CNTNAP3B: variants seen among roughly 807,000 people sequenced by gnomAD.
The protein encoded by CNTNAP3B is contactin associated protein family member 3B, also known as contactin-associated protein-like 3B.
A neutral mutation model predicts 108.9 loss-of-function variants in CNTNAP3B; 25 were observed. The ratio of observed to expected loss-of-function variants is 0.23; its 90% CI spans 0.17 to 0.32. The LOEUF (loss-of-function observed/expected upper bound fraction) is 0.32, where lower values mean the gene tolerates loss of function less well. CNTNAP3B is among the 10% of genes least tolerant of loss of function. CNTNAP3B has a pLI of 1.00. For missense variants in CNTNAP3B, 252 were observed against 1,210.4 expected (o/e 0.21, Z 11.75); for synonymous variants, 103 against 473.4 (o/e 0.22, Z 10.16).
At chr9:42,086,091 G>C (rs1206153441) in intron 2 of CNTNAP3B, among the ~76,000 whole-genome samples, 5 of 140,216 alleles carry the variant, frequency 3.6e-5, no homozygotes, top group Non-Finnish European at 7.7e-5. Flanking sequence ...CCATGTGGCT[G>C]AGGAGGCCTC....
rs548817359 is a variant in CNTNAP3B, at chr9:42,117,774, C to T, written c.85+11236G>A. Among the ~76,000 whole-genome samples the T allele has an allele frequency of 4.4e-5, 6 of 136,916 alleles. 1 individual carries two copies. The East Asian group carries it at 8.8e-4, about 20-fold the overall frequency. The allele number at this position is 136,916 out of a possible 152,430, so 89.8% of individuals were successfully genotyped here. A position where few individuals can be genotyped will look rare whatever the true frequency, so the allele number is the denominator to read the frequency against. On this transcript the variant is annotated intron_variant, in intron 1 of 23. Transcript: ENST00000377561. ...GGAAAGATCAACAAAATTGATAGACCACTAGCAAGACTAATAAAGAAGAAA... is the reference window on the plus strand; with the variant it reads ...GGAAAGATCAACAAAATTGATAGACTACTAGCAAGACTAATAAAGAAGAAA...
Position 42,114,008 on chromosome 9 carries a change from G to A in CNTNAP3B, c.86-9269C>T, listed in dbSNP as rs966526084. 2.4e-5 allele frequency among the ~76,000 whole-genome samples: 3 copies of A among 126,350 alleles called. 1 individual carries two copies. Among genetic ancestry groups the A allele is most frequent in the African/African-American group, 9.9e-5 (3 of 30,330 alleles). 82.9% of individuals were successfully genotyped at this position (126,350 alleles called of 152,430 possible). On this transcript the variant is annotated intron_variant, in intron 1 of 23. Transcript: ENST00000377561. ...GCACCTCTGAGAGTTGACAGAATTA[G>A]GGTCTGAATGAGAATATAAGGTATG...
At chr9:41,925,556 G>T (rs1446841209) in intron 15 of CNTNAP3B, among the ~76,000 whole-genome samples, 1 of 152,398 alleles carries the variant, frequency 6.6e-6, no homozygotes, top group African/African-American at 2.4e-5. Flanking sequence ...TCCTGCCACT[G>T]CACTCCAGCC....
At chr9:42,088,988 G>T (rs1827763086) in intron 2 of CNTNAP3B, among the ~76,000 whole-genome samples, 1 of 128,090 alleles carries the variant, frequency 7.8e-6, no homozygotes, top group South Asian at 2.6e-4. Context: ...AGGCCAAGGT[G>T]GGCGAATCCC....
chr9:41,919,680 G>A (rs2935324), intron 18 of CNTNAP3B, among the ~76,000 whole-genome samples: 23 of 152,138 alleles, frequency 1.5e-4, no homozygotes, highest in East Asian at 1.4e-3. Context: ...GTTCAAGTCC[G>A]GCCTGGGCAA....
At chr9:41,976,838 G>C (rs1470487962) in intron 9 of CNTNAP3B, among the ~76,000 whole-genome samples, 1 of 125,628 alleles carries the variant, frequency 8.0e-6, no homozygotes, top group African/African-American at 3.3e-5. Flanking sequence ...AGAAGTGCTT[G>C]AGCTTGGAGA....
chr9:42,100,104 T>C (rs1226644487), intron 2 of CNTNAP3B, among the ~76,000 whole-genome samples: 1 of 42,404 alleles, frequency 2.4e-5, no homozygotes, highest in African/African-American at 7.4e-5. Context: ...TTGATATTAA[T>C]ATGCTATTAA....
chr9:41,942,095 G>T (rs1824364880), intron 13 of CNTNAP3B, among the ~76,000 whole-genome samples: 1 of 152,292 alleles, frequency 6.6e-6, no homozygotes, highest in Non-Finnish European at 1.5e-5. Flanking sequence ...TCTTACCCAA[G>T]GGAAGGGGAA....
At chr9:41,923,198 G>C (rs1455204614) in intron 16 of CNTNAP3B, among the ~76,000 whole-genome samples, 1 of 143,632 alleles carries the variant, frequency 7.0e-6, no homozygotes, top group Non-Finnish European at 1.5e-5. Context: ...ATACCAAATA[G>C]TATTTGTTTT....
chr9:41,996,984 T>TTCCA (rs796960990), intron 6 of CNTNAP3B, among the ~76,000 whole-genome samples: 12,613 of 50,472 alleles, frequency 0.25, 19 homozygotes, highest in East Asian at 0.38. Flanking sequence ...CACTTTAAGG[T>TTCCA]GTCCTGTGAA....
chr9:41,955,719 G>A (rs1824837063), intron 12 of CNTNAP3B, among the ~76,000 whole-genome samples: 1 of 152,308 alleles, frequency 6.6e-6, no homozygotes, highest in South Asian at 2.1e-4. Context: ...CACACTGGAG[G>A]CTGTCTCACT....
In CNTNAP3B at chr9:41,924,678, C is replaced by CACACAT. The variant is rs1823763198; in HGVS notation, c.2366-586_2366-585insATGTGT. On this transcript the variant is annotated intron_variant, in intron 15 of 23. Transcript: ENST00000377561. Reference sequence around the variant, plus strand: ...ACACACACACACACACACACACACACACACACACACACAGTCTTAATTCCT... The same window carrying CACACAT: ...ACACACACACACACACACACACACACACACATACACACACACACAGTCTTAATTCCT... 2.9e-3 allele frequency among the ~76,000 whole-genome samples: 356 copies of CACACAT among 123,618 alleles called. 3 individuals carry two copies. Among genetic ancestry groups the CACACAT allele is most frequent in the African/African-American group, 5.8e-3 (182 of 31,282 alleles). The allele number at this position is 123,618 out of a possible 152,430, so 81.1% of individuals were successfully genotyped here. A position where few individuals can be genotyped will look rare whatever the true frequency, so the allele number is the denominator to read the frequency against.
At chr9:41,977,981 T>C (rs1200788589) in intron 9 of CNTNAP3B, among the ~76,000 whole-genome samples, 1 of 131,588 alleles carries the variant, frequency 7.6e-6, no homozygotes, top group Admixed American at 7.7e-5. Flanking sequence ...AAAAGGATTC[T>C]GGAAAAAAAA....
chr9:42,086,041 G>T lies in CNTNAP3B; in HGVS notation c.197-8979C>A, dbSNP rs1470795796. ...GCTGATGAAGACATATCTGAGACTG[G>T]GTAATTCATAAAGAAAAAAGGTTTA... On this transcript the variant is annotated intron_variant, in intron 2 of 23. Transcript: ENST00000377561. Among the ~76,000 whole-genome samples the T allele has an allele frequency of 5.0e-5, 7 of 139,530 alleles. 3 individuals carry two copies. In the East Asian group the frequency reaches 1.1e-3, roughly 22 times the overall value. 91.5% of individuals were successfully genotyped at this position (139,530 alleles called of 152,430 possible).
chr9:42,046,476 C>A, intron 3 of CNTNAP3B, among the ~76,000 whole-genome samples: 1 of 123,646 alleles, frequency 8.1e-6, no homozygotes, highest in East Asian at 2.7e-4. Context: ...ATTTCAAGTA[C>A]ACTTTGGGAT....
intron 15 of CNTNAP3B, among the ~76,000 whole-genome samples, chr9:41,928,939 TAG>T (rs1252826509): frequency 1.1e-4 from 16 of 145,238 alleles, no homozygotes; most frequent in African/African-American, 4.2e-4. Context: ...GGTCAGAAAA[TAG>T]AGAGTGTCCA....
Position 42,015,165 on chromosome 9 carries a change from C to A in CNTNAP3B, c.391-1640G>T, listed in dbSNP as rs1316363539. On this transcript the variant is annotated intron_variant, in intron 3 of 23. Transcript: ENST00000377561. ...CTGCCTCAGCCTGCCCAGTAGCTGGCATTCCAAGAGCATGCCACCACACCT... is the reference window on the plus strand; with the variant it reads ...CTGCCTCAGCCTGCCCAGTAGCTGGAATTCCAAGAGCATGCCACCACACCT... Among the ~76,000 whole-genome samples the A allele has an allele frequency of 4.6e-4, 2 of 4,356 alleles. 1 individual carries two copies. The highest frequency in any genetic ancestry group is 1.0e-3 in the Non-Finnish European group (2 of 1,942). The allele number at this position is 4,356 out of a possible 152,430, so 2.9% of individuals were successfully genotyped here. A position where few individuals can be genotyped will look rare whatever the true frequency, so the allele number is the denominator to read the frequency against.
chr9:41,953,564 G>C (rs1824764926), intron 12 of CNTNAP3B, among the ~76,000 whole-genome samples, 178 bp from the exon 13 acceptor site: 1 of 151,340 alleles, frequency 6.6e-6, no homozygotes, highest in South Asian at 2.1e-4. Context: ...CAGCCTCTAA[G>C]AGAAAGCATA....
chr9:41,969,154 A>G (rs1404200403), intron 10 of CNTNAP3B, among the ~76,000 whole-genome samples: 5 of 152,292 alleles, frequency 3.3e-5, no homozygotes, highest in African/African-American at 9.6e-5. Flanking sequence ...GAAAGTAAAT[A>G]CCAAATGTAC....
Sources: gnomAD v4.1 joint callset for allele counts (sites outside exome capture counted in the v4.1 genomes callset) on GRCh38, gnomAD v4.1.1 for gene constraint, MANE v1.5 for transcripts, NCBI Gene and HGNC (gene_info 2026-07-23, HGNC 2026-07-21) for gene names.